Variants in ZNF705G observed in about 807,000 individuals in gnomAD.
ZNF705G encodes zinc finger protein 705G.
A neutral mutation model predicts 19.6 loss-of-function variants in ZNF705G; 23 were observed. The ratio of observed to expected loss-of-function variants is 1.17; its 90% CI spans 0.84 to 1.66. The LOEUF (loss-of-function observed/expected upper bound fraction) is 1.66, where lower values mean the gene tolerates loss of function less well. ZNF705G is among the 40% of genes most tolerant of loss of function. The probability of loss-of-function intolerance (pLI) is 0.00; values close to 1 mark genes in which losing one functional copy is unlikely to be tolerated. For synonymous variants in ZNF705G, 146 were observed against 117.7 expected (o/e 1.24, Z -1.56); for missense variants, 457 against 354.4 (o/e 1.29, Z -2.32).
At chr8:7,371,387 T>C (rs376850710) in intron 2 of ZNF705G, among the ~76,000 whole-genome samples, 2,292 of 140,728 alleles carry the variant, frequency 0.016, 19 homozygotes, top group Non-Finnish European at 0.025. Flanking sequence ...GGAGGTCTCG[T>C]TTACAGCATA....
chr8:7,364,669 G>A (rs557339728), intron 2 of ZNF705G, among the ~76,000 whole-genome samples: 1 of 149,736 alleles, frequency 6.7e-6, no homozygotes, highest in Non-Finnish European at 1.5e-5. Context: ...ACATCATTGT[G>A]TCTATTTTTA....
In ZNF705G at chr8:7,364,291, A is replaced by G. The variant is rs1404230967; in HGVS notation, c.-71-1274T>C. On this transcript the variant is annotated intron_variant, in intron 2 of 6. Transcript: ENST00000400156. ...GCTAAAAATATAAAAATAATTAAAT[A>G]TATTTTATGTACAAATGATAATTAT... Among the ~76,000 whole-genome samples, 5 of 149,674 alleles carry G rather than the reference A, an allele frequency of 3.3e-5. 2 individuals carry two copies. The highest frequency in any genetic ancestry group is 1.3e-4 in the African/African-American group (5 of 39,102).
chr8:7,366,460 C>G lies in ZNF705G; in HGVS notation c.-71-3443G>C, dbSNP rs1273841511. Among the ~76,000 whole-genome samples the G allele has an allele frequency of 3.3e-5, 5 of 149,482 alleles. 1 individual carries two copies. Among genetic ancestry groups the G allele is most frequent in the African/African-American group, 1.3e-4 (5 of 38,982 alleles). ...AAGGAATATGCAACATATTTAGATA[C>G]AATAAAATAAAATTAAATTAAAATA... On this transcript the variant is annotated intron_variant, in intron 2 of 6. Transcript: ENST00000400156.
rs1445828610 is a variant in ZNF705G at position 7,364,100 on chromosome 8, T to G, written c.-71-1083A>C. 2.0e-5 allele frequency among the ~76,000 whole-genome samples: 3 copies of G among 149,428 alleles called. No individual in the cohort carries two copies. In the East Asian group the frequency reaches 5.8e-4, roughly 29 times the overall value. ...AAATTCTTGCAATCATGGTTTATAT[T>G]AGTCTTTGTTAGTTGCAATATCTCT... On this transcript the variant is annotated intron_variant, in intron 2 of 6. Coordinates refer to ENST00000400156, the MANE Select transcript of ZNF705G (RefSeq NM_001164457.3).
intron 2 of ZNF705G, among the ~76,000 whole-genome samples, chr8:7,379,329 G>A (rs1239459001): frequency 2.0e-5 from 3 of 147,314 alleles, no homozygotes; most frequent in Non-Finnish European, 4.4e-5. Flanking sequence ...ATCACCAACT[G>A]TCCCTTTAAT....
intron 1 of ZNF705G, among the ~76,000 whole-genome samples, chr8:7,383,163 C>A (rs1442592369): frequency 7.5e-6 from 1 of 134,168 alleles, no homozygotes; most frequent in African/African-American, 2.9e-5. Context: ...TGGTTAAAAG[C>A]GATAATTCTA....
chr8:7,359,124 G>A (rs1276826322), intron 6 of ZNF705G, among the ~76,000 whole-genome samples: 1 of 149,600 alleles, frequency 6.7e-6, no homozygotes, highest in Non-Finnish European at 1.5e-5. Flanking sequence ...CATGAAAATT[G>A]TGTACTTCTC....
chr8:7,365,459 A>T (rs1296041429), intron 2 of ZNF705G, among the ~76,000 whole-genome samples: 3 of 145,144 alleles, frequency 2.1e-5, no homozygotes, highest in Non-Finnish European at 4.4e-5. Flanking sequence ...GCTCACCGCA[A>T]CCTCCACCTC....
intron 1 of ZNF705G, among the ~76,000 whole-genome samples, chr8:7,384,878 T>C (rs1246626450): frequency 6.8e-6 from 1 of 146,432 alleles, no homozygotes; most frequent in Non-Finnish European, 1.5e-5. Context: ...AGTGGTATCT[T>C]AGTTGACATA....
intron 2 of ZNF705G, among the ~76,000 whole-genome samples, chr8:7,380,965 G>C (rs1314432928): frequency 1.9e-5 from 2 of 103,976 alleles, no homozygotes; most frequent in Non-Finnish European, 3.3e-5. Flanking sequence ...GCAGTGAGTT[G>C]AAATTGTGCC....
chr8:7,363,833 C>A (rs1285466404), intron 2 of ZNF705G, among the ~76,000 whole-genome samples: 1 of 149,004 alleles, frequency 6.7e-6, no homozygotes, highest in African/African-American at 2.6e-5. Context: ...AAAAAAAAAT[C>A]TGTTTTAGGA....
At chr8:7,382,377 C>G (rs1807537206) in intron 1 of ZNF705G, among the ~76,000 whole-genome samples, 1 of 146,832 alleles carries the variant, frequency 6.8e-6, no homozygotes, top group Non-Finnish European at 1.5e-5. Flanking sequence ...GGTGGATTTT[C>G]ATTTCTGCTT....
rs796846196 is a variant in ZNF705G at position 7,383,539 on chromosome 8, A to G, written c.-221-1938T>C. Among the ~76,000 whole-genome samples the G allele has an allele frequency of 2.3e-4, 33 of 144,674 alleles. 2 individuals are homozygous for G. Among genetic ancestry groups the G allele is most frequent in the African/African-American group, 9.0e-4 (31 of 34,296 alleles). The allele number at this position is 144,674 out of a possible 152,430, so 94.9% of individuals were successfully genotyped here. A position where few individuals can be genotyped will look rare whatever the true frequency, so the allele number is the denominator to read the frequency against. On this transcript the variant is annotated intron_variant, in intron 1 of 6. Coordinates refer to ENST00000400156, the MANE Select transcript of ZNF705G (RefSeq NM_001164457.3). ...TCAATACATGAATGAATAAATTGAC[A>G]GAGGGAGGAAGGAGGTAAGGAAGTG...
At chr8:7,374,068 G>C (rs1807174134) in intron 2 of ZNF705G, among the ~76,000 whole-genome samples, 1 of 84,884 alleles carries the variant, frequency 1.2e-5, no homozygotes, top group Admixed American at 1.5e-4. Flanking sequence ...GTAAATGTCA[G>C]AGTCAACACT....
chr8:7,360,711 T>C (rs1280764165), intron 4 of ZNF705G, among the ~76,000 whole-genome samples: 1 of 149,600 alleles, frequency 6.7e-6, no homozygotes, highest in Non-Finnish European at 1.5e-5. Context: ...AAATAATTGG[T>C]GTTCTATATG....
chr8:7,361,378 A>G lies in ZNF705G; in HGVS notation c.13-142T>C, dbSNP rs1279149046. On this transcript the variant is annotated intron_variant, in intron 3 of 6. Coordinates refer to ENST00000400156, the MANE Select transcript of ZNF705G (RefSeq NM_001164457.3). ...TCCAGCCAGTTCATTCTCAGTACTA[A>G]GCTGGTATCTGCCTTTCAGATTCAC... 4 of 1,413,708 alleles carry G rather than the reference A, an allele frequency of 2.8e-6. No individual in the cohort carries two copies. In the East Asian group the frequency reaches 9.2e-5, roughly 33 times the overall value. The allele number at this position is 1,413,708 out of a possible 1,614,324, so 87.6% of individuals were successfully genotyped here.
intron 2 of ZNF705G, among the ~76,000 whole-genome samples, chr8:7,380,498 G>A (rs1255801432): frequency 6.8e-6 from 1 of 147,492 alleles, no homozygotes. Flanking sequence ...GAGAGCTTAA[G>A]GATAGGACTT....
chr8:7,382,842 G>A (rs1807555114), intron 1 of ZNF705G, among the ~76,000 whole-genome samples: 1 of 146,680 alleles, frequency 6.8e-6, no homozygotes. Context: ...TTTGTTACAT[G>A]GATGAATTAC....
At position 7,369,484 on chromosome 8, in the gene ZNF705G, C is replaced by A. The variant is rs140206473; in HGVS notation, c.-71-6467G>T. On this transcript the variant is annotated intron_variant, in intron 2 of 6. Transcript: ENST00000400156. The stretch of plus-strand genomic sequence containing the variant: ...TGGTAGATCCACTGTCAGCTTGCAC[C>A]CTGAGCCTGGAAAAGCTGCAGGCAC... Among the ~76,000 whole-genome samples, 1,385 of 149,502 alleles carry A rather than the reference C, an allele frequency of 9.3e-3. 160 individuals carry two copies. Among genetic ancestry groups the A allele is most frequent in the African/African-American group, 0.034 (1,321 of 38,942 alleles).
Sources: allele counts gnomAD v4.1 joint callset (sites outside exome capture counted in the v4.1 genomes callset), GRCh38; gene constraint gnomAD v4.1.1; transcripts MANE v1.5; gene names NCBI Gene and HGNC (gene_info 2026-07-23, HGNC 2026-07-21).